Variants in PBX1 observed in about 807,000 individuals in gnomAD.
The protein encoded by PBX1 is pre-B-cell leukemia transcription factor 1.
Under a neutral mutation model 53.4 loss-of-function variants are expected in PBX1, and 6 were observed. The ratio of observed to expected loss-of-function variants is 0.11; its 90% CI spans 0.06 to 0.22. The LOEUF (loss-of-function observed/expected upper bound fraction) is 0.22. Ranked by LOEUF, PBX1 falls within the 10% of genes least tolerant of loss-of-function variation. The pLI is 1.00. For synonymous variants in PBX1, 204 were observed against 212.3 expected, an observed-to-expected ratio of 0.96 and a Z score of 0.34; for missense variants, 251 against 551.4, an observed-to-expected ratio of 0.46 and a Z score of 5.46.
At position 164,574,558 on chromosome 1, in the gene PBX1, T is replaced by C. The variant is rs1654088878; in HGVS notation, c.265+11247T>C. ...TTTCATTGTTATGGCAGCTCTAATT[T>C]CTCCTATGAATCCTTATATCTTTCC... On this transcript the variant is annotated intron_variant, in intron 2 of 8. Coordinates refer to ENST00000420696, the MANE Select transcript of PBX1 (RefSeq NM_002585.4). Among the ~76,000 whole-genome samples, 4 of 152,172 alleles carry C rather than the reference T, an allele frequency of 2.6e-5. No homozygotes were observed. In the South Asian group the frequency reaches 8.3e-4, roughly 32 times the overall value.
At chr1:164,868,577 T>C (rs1672274739) in intron 2 of PBX1, among the ~76,000 whole-genome samples, 2 of 152,222 alleles carry the variant, frequency 1.3e-5, no homozygotes, top group African/African-American at 4.8e-5. Flanking sequence ...CTCTGCCATT[T>C]TGGCTTGGAA....
chr1:164,706,077 T>C (rs114838978), intron 2 of PBX1, among the ~76,000 whole-genome samples: 276 of 150,622 alleles, frequency 1.8e-3, no homozygotes, highest in African/African-American at 6.6e-3. Context: ...TAGACACTTG[T>C]GACTTACTAA....
At chr1:164,651,905 G>A (rs1250111029) in intron 2 of PBX1, 1 of 151,120 alleles carries the variant, frequency 6.6e-6, no homozygotes, top group Non-Finnish European at 1.5e-5. Flanking sequence ...GAGCAAGTAA[G>A]AGGAGTCAGA....
At chr1:164,570,400 T>A (rs1236905459) in intron 2 of PBX1, among the ~76,000 whole-genome samples, 1 of 152,034 alleles carries the variant, frequency 6.6e-6, no homozygotes, top group Non-Finnish European at 1.5e-5. Context: ...GATGTTCCCC[T>A]CCCTGTGTCC....
intron 2 of PBX1, chr1:164,642,096 A>T (rs1001322363): frequency 1.3e-5 from 2 of 152,140 alleles, no homozygotes; most frequent in African/African-American, 2.4e-5. Flanking sequence ...TTCTATTTTC[A>T]TAGGATAAGC....
At chr1:164,877,751 C>T (rs971483009) in intron 2 of PBX1, among the ~76,000 whole-genome samples, 5 of 151,962 alleles carry the variant, frequency 3.3e-5, no homozygotes, top group Non-Finnish European at 5.9e-5. Flanking sequence ...ATAAACTGTA[C>T]ATTTGAAGTG....
chr1:164,650,983 G>T (rs943109575), intron 2 of PBX1, among the ~76,000 whole-genome samples: 5 of 149,660 alleles, frequency 3.3e-5, no homozygotes, highest in Non-Finnish European at 4.4e-5. Flanking sequence ...AATCAGCCTA[G>T]ACCTTAAGAG....
At chr1:164,821,648 C>T in intron 8 of PBX1, 22 bp downstream of exon 8, 8 of 1,585,336 alleles carry the variant, frequency 5.0e-6, no homozygotes, top group Non-Finnish European at 6.9e-6. Flanking sequence ...AGCCCCCCCA[C>T]CCCCTGCTTT....
At chr1:164,833,663 T>C (rs890715218) in intron 8 of PBX1, among the ~76,000 whole-genome samples, 2 of 152,206 alleles carry the variant, frequency 1.3e-5, no homozygotes, top group African/African-American at 2.4e-5. Context: ...CATAGTTTTA[T>C]ATCCTGTTCC....
intron 4 of PBX1, 41 bp from the exon 5 acceptor site, chr1:164,807,501 G>C (rs778893379): frequency 2.5e-6 from 4 of 1,599,908 alleles, no homozygotes; most frequent in Non-Finnish European, 3.4e-6. Context: ...TATTTATTTG[G>C]TGTGAGCCTT....
intron 5 of PBX1, 122 bp from the exon 6 acceptor site, chr1:164,811,868 T>A: frequency 1.9e-6 from 1 of 514,554 alleles, no homozygotes; most frequent in Non-Finnish European, 2.8e-6. Flanking sequence ...TGTTGCCAAA[T>A]TATTATAGGA....
Position 164,799,707 on chromosome 1 carries a change from C to T in PBX1, c.519C>T (p.Asn173=), listed in dbSNP as rs781292048. ...TTGTCCTGCCATTCCAGGCCTGCAA[C>T]GAGTTCACCACCCACGTGATGAATC... ...TELEKYEQAC[N]EFTTHVMNLL... is the part of the protein sequence containing the mutation. Residue 173 remains asparagine, a synonymous_variant, in exon 4 of 9, where the codon AAC becomes AAT. Coordinates refer to ENST00000420696, the MANE Select transcript of PBX1 (RefSeq NM_002585.4). The T allele has an allele frequency of 4.3e-6, 7 of 1,610,546 alleles. No individual in the cohort carries two copies. The highest frequency in any genetic ancestry group is 5.9e-6 in the Non-Finnish European group (7 of 1,177,252).
chr1:164,665,425 C>A (rs953028105), intron 2 of PBX1, among the ~76,000 whole-genome samples: 1 of 152,246 alleles, frequency 6.6e-6, no homozygotes, highest in East Asian at 1.9e-4. Flanking sequence ...GCTGGAATTA[C>A]AGGCATGCGC....
intron 2 of PBX1, among the ~76,000 whole-genome samples, chr1:164,581,078 C>T (rs1015997783): frequency 6.6e-6 from 1 of 152,278 alleles, no homozygotes; most frequent in Middle Eastern, 3.4e-3. Flanking sequence ...CACACCACCT[C>T]CCTGGTGCAG....
chr1:164,748,579 A>G (rs1666025513), intron 2 of PBX1, among the ~76,000 whole-genome samples: 1 of 152,206 alleles, frequency 6.6e-6, no homozygotes. Context: ...TGTGATTCAC[A>G]TATTTTGCAG....
At chr1:164,630,122 A>G (rs1658315559) in intron 2 of PBX1, among the ~76,000 whole-genome samples, 1 of 152,164 alleles carries the variant, frequency 6.6e-6, no homozygotes, top group African/African-American at 2.4e-5. Flanking sequence ...GCTTGTGACC[A>G]ATGGGGTGAT....
chr1:164,837,101 G>GGTAAATA (rs1046743045), intron 8 of PBX1, among the ~76,000 whole-genome samples: 1 of 152,098 alleles, frequency 6.6e-6, no homozygotes, highest in African/African-American at 2.4e-5. Context: ...CCTGTGTGAT[G>GGTAAATA]GTAAATAGCC....
At position 164,753,643 on chromosome 1, in the gene PBX1, G is replaced by C. The variant is rs139545074; in HGVS notation, c.266-38851G>C. 6.8e-3 allele frequency among the ~76,000 whole-genome samples: 1,029 copies of C among 152,308 alleles called. 12 individuals carry two copies. The highest frequency in any genetic ancestry group is 0.045 in the South Asian group (215 of 4,830). ...CATTTGTGAGTAACACAGCCCTTGC[G>C]TGGTTTTGACCTTTGATTTGTGGAA... is the stretch of plus-strand genomic sequence containing the variant. On this transcript the variant is annotated intron_variant, in intron 2 of 8. Transcript: ENST00000420696.
chr1:164,835,239 G>GTTTTTTTTTTTTTTT (rs71670294), intron 8 of PBX1, among the ~76,000 whole-genome samples: 1 of 136,120 alleles, frequency 7.3e-6, no homozygotes, highest in Non-Finnish European at 1.6e-5. Flanking sequence ...TTTGATTTTG[G>GTTTTTTTTTTTTTTT]TTTTTTTTTT....
Sources: gnomAD v4.1 joint callset for allele counts (sites outside exome capture counted in the v4.1 genomes callset) on GRCh38, gnomAD v4.1.1 for gene constraint, MANE v1.5 for transcripts, NCBI Gene and HGNC (gene_info 2026-07-23, HGNC 2026-07-21) for gene names.